PTPRK: variants seen among roughly 807,000 people sequenced by gnomAD.
PTPRK encodes the protein receptor-type tyrosine-protein phosphatase kappa.
Under a neutral mutation model 178.0 loss-of-function variants are expected in PTPRK, and 75 were observed. That is an observed-to-expected ratio of 0.42 (90% CI 0.35 to 0.51). The LOEUF (loss-of-function observed/expected upper bound fraction) is 0.51, where lower values mean the gene tolerates loss of function less well. PTPRK is among the 20% of genes least tolerant of loss of function. The pLI is 0.02. For missense variants in PTPRK, 1,441 were observed against 1,797.8 expected, an observed-to-expected ratio of 0.80 and a Z score of 3.59; for synonymous variants, 637 against 620.6, an observed-to-expected ratio of 1.03 and a Z score of -0.39.
intron 2 of PTPRK, among the ~76,000 whole-genome samples, chr6:128,340,065 G>A (rs1831463350): frequency 6.6e-6 from 1 of 152,098 alleles, no homozygotes; most frequent in Admixed American, 6.6e-5. Flanking sequence ...AGCTGTTAAG[G>A]AGCTAAGCAA....
intron 6 of PTPRK, among the ~76,000 whole-genome samples, chr6:128,199,548 T>C (rs951807692): frequency 3.0e-5 from 4 of 132,998 alleles, no homozygotes; most frequent in African/African-American, 8.8e-5. Flanking sequence ...CACTTTTCCA[T>C]ATGCCTACAA....
At chr6:128,165,898 G>A (rs1006128094) in intron 7 of PTPRK, among the ~76,000 whole-genome samples, 10 of 151,424 alleles carry the variant, frequency 6.6e-5, no homozygotes, top group African/African-American at 9.7e-5. Flanking sequence ...AAACATATAC[G>A]TAAAAAACAT....
At chr6:128,238,185 C>CAAA (rs58051125) in intron 5 of PTPRK, 235 of 206,262 alleles carry the variant, frequency 1.1e-3, no homozygotes, top group South Asian at 1.7e-3. Context: ...TAGCAAACGC[C>CAAA]AAAAAAAAAA....
intron 1 of PTPRK, among the ~76,000 whole-genome samples, chr6:128,406,546 T>G (rs1387688510): frequency 6.6e-6 from 1 of 152,168 alleles, no homozygotes; most frequent in Non-Finnish European, 1.5e-5. Context: ...CTAAGCATAA[T>G]TTAATGACAG....
At chr6:128,135,340 C>G (rs527656339) in intron 7 of PTPRK, among the ~76,000 whole-genome samples, 50 of 151,048 alleles carry the variant, frequency 3.3e-4, no homozygotes, top group African/African-American at 1.2e-3. Context: ...GGGCTGGACC[C>G]AAGAGCAGTG....
intron 13 of PTPRK, among the ~76,000 whole-genome samples, chr6:128,018,938 G>A (rs577251081): frequency 6.6e-6 from 1 of 152,180 alleles, no homozygotes; most frequent in Non-Finnish European, 1.5e-5. Flanking sequence ...ATGAACAAGT[G>A]TTCTTCCTTT....
chr6:127,973,045 T>C lies in PTPRK; in HGVS notation c.4246A>G (p.Lys1416Glu). The change falls in exon 29 of 30, where the codon AAG (lysine) becomes GAG (glutamate). Residue 1416 changes from lysine (K) to glutamate (E), a missense_variant. Around this residue, in one of 4 missense-constraint regions of PTPRK, gnomAD observed 335 missense variants for 512.4 expected, o/e 0.65. Transcript: ENST00000368226. ...FHAVKTLRNSKPNMVEAPEQY... is the reference protein window; with the variant it reads ...FHAVKTLRNSEPNMVEAPEQY... ...ACCGGGGCTTCCACCATGTTTGGCT[T>C]GCTGTTCCTCAGTGTCTTTACTGCA... The C allele has an allele frequency of 6.2e-7, 1 of 1,614,060 alleles. No homozygotes were observed. The highest frequency in any genetic ancestry group is 8.5e-7 in the Non-Finnish European group (1 of 1,179,914).
intron 7 of PTPRK, among the ~76,000 whole-genome samples, chr6:128,183,621 C>G (rs1033171014): frequency 2.0e-5 from 3 of 152,190 alleles, no homozygotes; most frequent in Middle Eastern, 6.8e-3. Context: ...CCCAACAATA[C>G]TGTCAATGAT....
At position 128,184,452 on chromosome 6, in the gene PTPRK, AT is replaced by A; in HGVS notation, c.1141del (p.Ile381SerfsTer10). 1 of 1,613,604 alleles carries A rather than the reference AT, an allele frequency of 6.2e-7. No individual in the cohort carries two copies. The highest frequency in any genetic ancestry group is 8.5e-7 in the Non-Finnish European group (1 of 1,179,740). On this transcript the variant is annotated frameshift_variant, in exon 7 of 30. Coordinates refer to ENST00000368226, the MANE Select transcript of PTPRK (RefSeq NM_002844.4). LOFTEE classifies it high-confidence loss of function. The part of the protein sequence containing the change: ...GGTGLPGPPL[I>X]TRTKCAEPMR... ...CTTACCTGCACATTTTGTTCTGGTG[AT>A]TAGTGGAGGTCCTGGGAGCCCCGTT...
intron 2 of PTPRK, among the ~76,000 whole-genome samples, chr6:128,386,359 G>A (rs1176332196): frequency 2.0e-5 from 3 of 152,066 alleles, no homozygotes; most frequent in African/African-American, 4.8e-5. Flanking sequence ...GGAAACAATC[G>A]ATACCTATAG....
chr6:128,265,223 C>T (rs929775438), intron 3 of PTPRK, among the ~76,000 whole-genome samples: 18 of 152,280 alleles, frequency 1.2e-4, no homozygotes, highest in Middle Eastern at 3.4e-3. Context: ...CCTTGTCCTA[C>T]TCCGTATATC....
At chr6:128,124,437 T>C (rs1793002835) in intron 7 of PTPRK, among the ~76,000 whole-genome samples, 1 of 152,196 alleles carries the variant, frequency 6.6e-6, no homozygotes, top group African/African-American at 2.4e-5. Context: ...TAAGGTGATA[T>C]TCACATTTCT....
intron 7 of PTPRK, among the ~76,000 whole-genome samples, chr6:128,171,388 T>C (rs1800228623): frequency 6.6e-6 from 1 of 152,040 alleles, no homozygotes; most frequent in African/African-American, 2.4e-5. Flanking sequence ...TGCGAGCACC[T>C]TAACAGTAGG....
intron 3 of PTPRK, among the ~76,000 whole-genome samples, chr6:128,256,083 T>G (rs2128291313): frequency 6.6e-6 from 1 of 152,364 alleles, no homozygotes; most frequent in Middle Eastern, 3.4e-3. Context: ...GACTAATATC[T>G]GACAGAAAGA....
At chr6:128,007,994 T>C in intron 14 of PTPRK, 4 of 1,183,036 alleles carry the variant, frequency 3.4e-6, no homozygotes, top group Non-Finnish European at 4.6e-6. Context: ...AAAGCACTAT[T>C]TGGGGAAAGC....
At chr6:128,457,035 T>A (rs1211484410) in intron 1 of PTPRK, among the ~76,000 whole-genome samples, 1 of 152,094 alleles carries the variant, frequency 6.6e-6, no homozygotes, top group African/African-American at 2.4e-5. Flanking sequence ...TGACATCAAT[T>A]TGTTGCCATG....
At chr6:128,186,015 C>G (rs770270558) in intron 6 of PTPRK, among the ~76,000 whole-genome samples, 1 of 152,054 alleles carries the variant, frequency 6.6e-6, no homozygotes, top group African/African-American at 2.4e-5. Context: ...TTACAAATAA[C>G]CTTAAAATTA....
At chr6:128,085,411 G>A (rs533621355) in intron 8 of PTPRK, among the ~76,000 whole-genome samples, 1 of 152,282 alleles carries the variant, frequency 6.6e-6, no homozygotes, top group South Asian at 2.1e-4. Context: ...ATACACTTAT[G>A]ATTATATTGA....
intron 2 of PTPRK, among the ~76,000 whole-genome samples, chr6:128,358,157 G>A (rs530975569): frequency 6.6e-6 from 1 of 152,312 alleles, no homozygotes; most frequent in Non-Finnish European, 1.5e-5. Flanking sequence ...ACAGCCAAAT[G>A]AAATTCAAAA....
Sources: gnomAD v4.1 joint callset for allele counts (sites outside exome capture counted in the v4.1 genomes callset) on GRCh38, gnomAD v4.1.1 for gene constraint, gnomAD v4.1.1 regional missense constraint, MANE v1.5 for transcripts, NCBI Gene and HGNC (gene_info 2026-07-23, HGNC 2026-07-21) for gene names.